FNIP1: variants seen among roughly 807,000 people sequenced by gnomAD.
FNIP1 encodes folliculin-interacting protein 1.
A neutral mutation model predicts 124.5 loss-of-function variants in FNIP1; 40 were observed. The ratio of observed to expected loss-of-function variants is 0.32; its 90% CI spans 0.25 to 0.42. The LOEUF is 0.42. FNIP1 is among the 10% of genes least tolerant of loss of function. The probability of loss-of-function intolerance (pLI) is 1.00; values close to 1 mark genes in which losing one functional copy is unlikely to be tolerated. For synonymous variants in FNIP1, 472 were observed against 470.6 expected, an observed-to-expected ratio of 1.00 and a Z score of -0.04; for missense variants, 1,176 against 1,403.7, an observed-to-expected ratio of 0.84 and a Z score of 2.59.
intron 15 of FNIP1, among the ~76,000 whole-genome samples, chr5:131,654,287 T>G (rs1241581434): frequency 6.6e-6 from 1 of 152,218 alleles, no homozygotes; most frequent in Non-Finnish European, 1.5e-5. Context: ...GTAAGGATTT[T>G]TTTTTACTAC....
intron 10 of FNIP1, among the ~76,000 whole-genome samples, chr5:131,699,989 CTTTT>C (rs202023474): frequency 8.0e-6 from 1 of 124,524 alleles, no homozygotes; most frequent in Non-Finnish European, 1.7e-5. Context: ...GTAATATTTG[CTTTT>C]TTTTTTTTTT....
Position 131,785,059 on chromosome 5 carries a change from CAT to C in FNIP1, c.92+11769_92+11770del, listed in dbSNP as rs200162834. On this transcript the variant is annotated intron_variant, in intron 1 of 17. Coordinates refer to ENST00000510461, the MANE Select transcript of FNIP1 (RefSeq NM_133372.3). The stretch of plus-strand genomic sequence containing the variant: ...ATATGATATATATGACTATATATAT[CAT>C]ATATATGATATATATGACATATATA... Among the ~76,000 whole-genome samples the C allele has an allele frequency of 2.0e-3, 22 of 10,988 alleles. 1 individual carries two copies. The highest frequency in any genetic ancestry group is 7.0e-3 in the Non-Finnish European group (21 of 3,020). 7.2% of individuals were successfully genotyped at this position (10,988 alleles called of 152,430 possible). A position where few individuals can be genotyped will look rare whatever the true frequency, so the allele number is the denominator to read the frequency against.
At chr5:131,794,753 C>T (rs1172695263) in intron 1 of FNIP1, among the ~76,000 whole-genome samples, 7 of 152,104 alleles carry the variant, frequency 4.6e-5, no homozygotes, top group Admixed American at 1.3e-4. Context: ...AGCGTGGTCA[C>T]GCCACTGTAC....
rs142247676 is a variant in FNIP1 at position 131,794,680 on chromosome 5, C to G, written c.92+2150G>C. ...GGGTGTGGTGGCTCATCCCTGTAAG[C>G]CCAGAACTTTGGGAGGCCAAGGTGA... On this transcript the variant is annotated intron_variant, in intron 1 of 17. Transcript: ENST00000510461. 2.8e-3 allele frequency among the ~76,000 whole-genome samples: 431 copies of G among 152,112 alleles called. 9 individuals are homozygous for G. The highest frequency in any genetic ancestry group is 8.4e-4 in the Non-Finnish European group (57 of 67,976).
At chr5:131,785,271 T>C (rs750993431) in intron 1 of FNIP1, among the ~76,000 whole-genome samples, 1 of 151,142 alleles carries the variant, frequency 6.6e-6, no homozygotes, top group Non-Finnish European at 1.5e-5. Context: ...TTTTAACAAG[T>C]AGGCCGGGCA....
intron 11 of FNIP1, 29 bp from the exon 12 acceptor site, chr5:131,679,204 G>A: frequency 2.2e-6 from 3 of 1,357,704 alleles, no homozygotes; most frequent in Non-Finnish European, 3.1e-6. Context: ...ATTATGAAAT[G>A]TATAGTTCCA....
intron 1 of FNIP1, among the ~76,000 whole-genome samples, chr5:131,770,081 C>T (rs1771577328): frequency 6.6e-6 from 1 of 152,122 alleles, no homozygotes; most frequent in Non-Finnish European, 1.5e-5. Context: ...ACAATAGTTC[C>T]TTTCTCAACT....
intron 17 of FNIP1, among the ~76,000 whole-genome samples, chr5:131,645,868 G>T (rs1211668843): frequency 1.3e-5 from 2 of 152,084 alleles, no homozygotes; most frequent in Non-Finnish European, 2.9e-5. Flanking sequence ...GTTGTACAAG[G>T]ACACAAGAGT....
At chr5:131,764,532 T>C (rs1253777399) in intron 1 of FNIP1, among the ~76,000 whole-genome samples, 1 of 151,990 alleles carries the variant, frequency 6.6e-6, no homozygotes, top group Non-Finnish European at 1.5e-5. Context: ...CTCAAACTCA[T>C]GGGCTCAAAC....
chr5:131,785,215 C>T (rs898373536), intron 1 of FNIP1, among the ~76,000 whole-genome samples: 3 of 141,838 alleles, frequency 2.1e-5, no homozygotes, highest in South Asian at 2.2e-4. Context: ...TATATCATAA[C>T]GCTATTGGGC....
intron 1 of FNIP1, among the ~76,000 whole-genome samples, chr5:131,756,715 T>C (rs1233653578): frequency 1.5e-4 from 23 of 152,162 alleles, no homozygotes. Context: ...TAGCTGATCA[T>C]TCATGTTTTA....
At chr5:131,732,426 T>C (rs1003113878) in intron 2 of FNIP1, among the ~76,000 whole-genome samples, 1 of 152,224 alleles carries the variant, frequency 6.6e-6, no homozygotes, top group Admixed American at 6.5e-5. Flanking sequence ...CTGAATGGTA[T>C]TGCCTAGGTT....
At chr5:131,720,197 A>G (rs1769611468) in intron 3 of FNIP1, among the ~76,000 whole-genome samples, 1 of 152,240 alleles carries the variant, frequency 6.6e-6, no homozygotes, top group Admixed American at 6.5e-5. Context: ...ATAAACCTAC[A>G]TGTATACAGT....
intron 1 of FNIP1, among the ~76,000 whole-genome samples, chr5:131,752,275 C>T (rs374430945): frequency 3.3e-5 from 5 of 152,202 alleles, no homozygotes; most frequent in African/African-American, 9.6e-5. Flanking sequence ...CATCTCCTGA[C>T]CTCATGATCT....
In FNIP1 at chr5:131,667,336, G is replaced by C. The variant is rs151041288; in HGVS notation, c.3108+3127C>G. On this transcript the variant is annotated intron_variant, in intron 15 of 17. Transcript: ENST00000510461. ...TTATTTGATTGGTATTCAAAAGCTG[G>C]GCAAACTAGCCTTTAAATATGAAGA... Among the ~76,000 whole-genome samples the C allele has an allele frequency of 2.1e-3, 316 of 152,156 alleles. 1 individual carries two copies. The highest frequency in any genetic ancestry group is 7.5e-3 in the African/African-American group (310 of 41,500).
At chr5:131,718,232 G>A (rs929175638) in intron 5 of FNIP1, among the ~76,000 whole-genome samples, 6 of 151,552 alleles carry the variant, frequency 4.0e-5, no homozygotes, top group Admixed American at 3.9e-4. Flanking sequence ...CTTCCAAAGA[G>A]TTACAGGTAT....
intron 15 of FNIP1, among the ~76,000 whole-genome samples, chr5:131,662,327 A>T (rs1003278426): frequency 2.6e-5 from 4 of 152,234 alleles, no homozygotes; most frequent in Non-Finnish European, 5.9e-5. Flanking sequence ...AAACTGGAAA[A>T]TTATCATCTA....
At chr5:131,673,098 A>G (rs945002065) in intron 13 of FNIP1, among the ~76,000 whole-genome samples, 174 bp from the exon 14 acceptor site, 1 of 148,776 alleles carries the variant, frequency 6.7e-6, no homozygotes. Context: ...TCCTGGCTGG[A>G]GTGCAGTGGT....
chr5:131,672,195 T>C lies in FNIP1; in HGVS notation c.2249A>G (p.Lys750Arg). Residue 750 changes from lysine (K) to arginine (R), a missense_variant, in exon 14 of 18, where the codon AAG becomes AGG. Coordinates refer to ENST00000510461, the MANE Select transcript of FNIP1 (RefSeq NM_133372.3). ...ASFSCEAAQT[K>R]VTFLIGDSMS... is the part of the protein sequence containing the mutation. ...AGAATCCCCAATCAGGAAAGTAACC[T>C]TTGTCTGGGCAGCCTCACAAGAAAA... 1 of 1,614,206 alleles carries C rather than the reference T, an allele frequency of 6.2e-7. No individual in the cohort carries two copies. Among genetic ancestry groups the C allele is most frequent in the Non-Finnish European group, 8.5e-7 (1 of 1,180,044 alleles).
Sources: allele counts gnomAD v4.1 joint callset (sites outside exome capture counted in the v4.1 genomes callset), GRCh38; gene constraint gnomAD v4.1.1; transcripts MANE v1.5; gene names NCBI Gene and HGNC (gene_info 2026-07-23, HGNC 2026-07-21).